NLRP7: variants seen among roughly 807,000 people sequenced by gnomAD.
NLRP7 encodes NACHT, LRR and PYD domains-containing protein 7.
In NLRP7, 72 loss-of-function variants were observed where a neutral mutation model predicts 85.5. That is an observed-to-expected ratio of 0.84 (90% CI 0.70 to 1.02). NLRP7 has a LOEUF of 1.02. Ranked by LOEUF, NLRP7 falls within the 50% of genes least tolerant of loss-of-function variation. NLRP7 has a pLI of 0.00. For missense variants in NLRP7, 1,243 were observed against 1,219.5 expected (o/e 1.02, Z -0.29); for synonymous variants, 550 against 505.2 (o/e 1.09, Z -1.19).
chr19:54,932,197 G>T (rs1216477213), intron 8 of NLRP7, among the ~76,000 whole-genome samples: 2 of 152,046 alleles, frequency 1.3e-5, no homozygotes, highest in East Asian at 3.9e-4. Flanking sequence ...GGAGGCCGAG[G>T]CAGGCAGATC....
intron 1 of NLRP7, among the ~76,000 whole-genome samples, chr19:54,943,668 G>A (rs139619767): frequency 1.1e-4 from 16 of 152,244 alleles, no homozygotes; most frequent in Admixed American, 3.9e-4. Flanking sequence ...TGCCAAGCCC[G>A]GGTGCTGATA....
chr19:54,934,745 T>C lies in NLRP7; in HGVS notation c.2301-86A>G, dbSNP rs2146193181. 2.6e-6 allele frequency: 3 copies of C among 1,148,394 alleles called. No homozygotes were observed. In the African/African-American group the frequency reaches 4.7e-5, roughly 18 times the overall value. The allele number at this position is 1,148,394 out of a possible 1,614,324, so 71.1% of individuals were successfully genotyped here. On this transcript the variant is annotated intron_variant, in intron 6 of 9. Coordinates refer to ENST00000340844, the Ensembl canonical transcript of NLRP7. This position sits in a 1 kb window ranked among gnomAD's most constrained non-coding sequence, Gnocchi z 6.7. Reference sequence around the variant, plus strand: ...TTTTTTTTGAGACAGAGTTTCACTCTGTTGCCCAGTCTGGAATGCAAAGGC... The same window carrying C: ...TTTTTTTTGAGACAGAGTTTCACTCCGTTGCCCAGTCTGGAATGCAAAGGC...
At chr19:54,953,172 A>C (rs2069726743) in intron 1 of NLRP7, 1 of 152,194 alleles carries the variant, frequency 6.6e-6, no homozygotes, top group South Asian at 2.1e-4. Context: ...ACAGGTAGCA[A>C]TGTAGCAGGA....
intron 8 of NLRP7, among the ~76,000 whole-genome samples, chr19:54,932,382 T>TAC (rs2068715092): frequency 6.7e-6 from 1 of 149,634 alleles, no homozygotes; most frequent in African/African-American, 2.5e-5. Flanking sequence ...CAGCCAAGAT[T>TAC]ACACCACTGC....
chr19:54,957,966 A>G (rs2069913806), intron 1 of NLRP7, among the ~76,000 whole-genome samples: 1 of 152,116 alleles, frequency 6.6e-6, no homozygotes, highest in Non-Finnish European at 1.5e-5. Flanking sequence ...CTGTAATTCC[A>G]GCACTTTGGG....
At position 54,939,898 on chromosome 19, in the gene NLRP7, C is replaced by T. The variant is rs1225793857; in HGVS notation, c.921G>A (p.Arg307=). The stretch of plus-strand genomic sequence containing the variant: ...GCTGCTGCGCCAGGAGCTGGAGGTC[C>T]CTCAGTGCCCTGGGCCGCGTGGTGA... The change falls in exon 4 of 10, where the codon AGG becomes AGA. Residue 307 remains arginine (R), a synonymous_variant. Transcript: ENST00000340844. 5.0e-6 allele frequency: 8 copies of T among 1,613,806 alleles called. No homozygotes were observed. In the South Asian group the frequency reaches 8.8e-5, roughly 18 times the overall value.
At chr19:54,951,301 C>A (rs1307828068), upstream of NLRP7, among the ~76,000 whole-genome samples, 5 of 151,940 alleles carry the variant, frequency 3.3e-5, no homozygotes, top group East Asian at 7.7e-4. Flanking sequence ...AATCCCAGCA[C>A]TTTGGGAGGC....
intron 3 of NLRP7, 126 bp downstream of exon 3, chr19:54,940,805 C>G (rs1189589174): frequency 2.6e-6 from 2 of 760,326 alleles, no homozygotes; most frequent in Non-Finnish European, 4.7e-6. Context: ...CCAGCCTGGG[C>G]TACAGAGCAA....
At chr19:54,936,606 G>C (rs575468951) in intron 5 of NLRP7, among the ~76,000 whole-genome samples, 175 bp from the exon 6 acceptor site, 2 of 151,290 alleles carry the variant, frequency 1.3e-5, no homozygotes, top group Non-Finnish European at 2.9e-5. Flanking sequence ...AGGATAACCT[G>C]AGGTCAGGAG....
At chr19:54,937,238 A>C (rs2068972494) in intron 5 of NLRP7, among the ~76,000 whole-genome samples, 1 of 151,710 alleles carries the variant, frequency 6.6e-6, no homozygotes, top group African/African-American at 2.4e-5. Context: ...AAAAGTCAAG[A>C]AGCAGAGGAT....
In NLRP7 at chr19:54,958,042, C is replaced by T. The variant is rs113306538; in HGVS notation, c.-77+7998G>A. On this transcript the variant is annotated intron_variant, in intron 1 of 2. Transcript: ENST00000587103. ...ACTAGCCTGGCCAAGGTGGTGAGAC[C>T]GTGTCTTTACTAAAAATACAAAATT... Among the ~76,000 whole-genome samples the T allele has an allele frequency of 7.1e-3, 1,075 of 151,940 alleles. 15 individuals carry two copies. The highest frequency in any genetic ancestry group is 0.024 in the African/African-American group (1,015 of 41,482).
At chr19:54,940,938 T>G in exon 3 of NLRP7, 1 of 1,608,030 alleles carries the variant, frequency 6.2e-7, no homozygotes, top group Non-Finnish European at 8.5e-7. Flanking sequence ...CACCTGGCTT[T>G]GCTAACTCCG....
At chr19:54,936,548 G>A (rs770290194) in intron 5 of NLRP7, 117 bp from the exon 6 acceptor site, 13 of 891,626 alleles carry the variant, frequency 1.5e-5, no homozygotes, top group Non-Finnish European at 2.0e-5. Context: ...TTGGCCGGGT[G>A]CAGTGGCTCG....
intron 1 of NLRP7, among the ~76,000 whole-genome samples, chr19:54,961,762 A>G (rs1425973492): frequency 6.6e-6 from 1 of 151,540 alleles, no homozygotes; most frequent in Non-Finnish European, 1.5e-5. Flanking sequence ...CAGTGAGCCG[A>G]GACCACACCA....
rs781126725 is a variant in NLRP7 at position 54,938,903 on chromosome 19, T to C, written c.1916A>G (p.Asp639Gly). 3 of 1,614,062 alleles carry C rather than the reference T, an allele frequency of 1.9e-6. No individual in the cohort carries two copies. In the African/African-American group the frequency reaches 4.0e-5, roughly 22 times the overall value. ...CAGTTCTTACCTTTCAAATTCAATG[T>C]CCAGTTCAAAATCCATGTAATTCTC... The change falls in exon 4 of 10, where the codon GAC becomes GGC. Residue 639 changes from aspartate (D) to glycine (G), a missense_variant. Transcript: ENST00000340844.
At chr19:54,950,405 G>C (rs928139379), upstream of NLRP7, among the ~76,000 whole-genome samples, 2 of 152,168 alleles carry the variant, frequency 1.3e-5, no homozygotes, top group African/African-American at 4.8e-5. Context: ...CAGGGGACCA[G>C]CATTCAGCAT....
At chr19:54,963,755 C>T (rs1448649518) in intron 1 of NLRP7, among the ~76,000 whole-genome samples, 4 of 147,362 alleles carry the variant, frequency 2.7e-5, no homozygotes, top group Non-Finnish European at 4.5e-5. Flanking sequence ...ACTCTGGAGG[C>T]GGAGGTTGCA....
chr19:54,939,890 T>G (rs77812009), exon 4 of NLRP7: 1 of 1,613,848 alleles, frequency 6.2e-7, no homozygotes. Context: ...CGCCAGGAGC[T>G]GGAGGTCCCT....
At chr19:54,945,104 A>T (rs985173828) in intron 1 of NLRP7, among the ~76,000 whole-genome samples, 1 of 151,398 alleles carries the variant, frequency 6.6e-6, no homozygotes, top group Non-Finnish European at 1.5e-5. Context: ...TTAGCCGGGC[A>T]TGGTGGCGGG....
Sources: gnomAD v4.1 joint callset for allele counts (sites outside exome capture counted in the v4.1 genomes callset) on GRCh38, gnomAD v4.1.1 for gene constraint, Gnocchi (gnomAD v3.1) non-coding constraint, MANE v1.5 for transcripts, NCBI Gene and HGNC (gene_info 2026-07-23, HGNC 2026-07-21) for gene names.